Variants in ADAMTS18 observed in about 807,000 individuals in gnomAD.
ADAMTS18 encodes A disintegrin and metalloproteinase with thrombospondin motifs 18.
Under a neutral mutation model 165.9 loss-of-function variants are expected in ADAMTS18, and 157 were observed. That is an observed-to-expected ratio of 0.95 (90% CI 0.83 to 1.08). The LOEUF (loss-of-function observed/expected upper bound fraction) is 1.08. ADAMTS18 is among the 50% of genes least tolerant of loss of function. The pLI is 0.00. For synonymous variants in ADAMTS18, 782 were observed against 578.2 expected (o/e 1.35, Z -5.06); for missense variants, 2,040 against 1,534.0 (o/e 1.33, Z -5.51).
chr16:77,291,123 A>T (rs2055353778), intron 21 of ADAMTS18, 143 bp downstream of exon 21: 1 of 896,930 alleles, frequency 1.1e-6, no homozygotes, highest in Non-Finnish European at 1.8e-6. Flanking sequence ...CCAAAGAACA[A>T]AACCCATTCT....
chr16:77,290,543 C>CGG (rs2055341864), intron 21 of ADAMTS18: 1 of 152,546 alleles, frequency 6.6e-6, no homozygotes, highest in Non-Finnish European at 1.5e-5. Flanking sequence ...CAGATCCTCC[C>CGG]AGATAGATAA....
In ADAMTS18 at chr16:77,314,753, C is replaced by CATATATATATAT. The variant is rs36191323; in HGVS notation, c.2532+5084_2532+5095dup. ...GTTTGCTAAATATGGTCTCAGGTTT[C>CATATATATATAT]ATATATATATATATATATATATATA... On this transcript the variant is annotated intron_variant, in intron 16 of 22. Coordinates refer to ENST00000282849, the MANE Select transcript of ADAMTS18 (RefSeq NM_199355.4). Among the ~76,000 whole-genome samples the CATATATATATAT allele has an allele frequency of 2.0e-3, 73 of 36,894 alleles. 4 individuals are homozygous for CATATATATATAT. The East Asian group carries it at 0.022, about 11-fold the overall frequency. 24.2% of individuals were successfully genotyped at this position (36,894 alleles called of 152,430 possible).
At chr16:77,295,206 A>G (rs1597087782) in intron 18 of ADAMTS18, 79 bp from the exon 19 acceptor site, 4 of 1,448,488 alleles carry the variant, frequency 2.8e-6, no homozygotes, top group Non-Finnish European at 3.8e-6. Flanking sequence ...TGAAAGGTAA[A>G]CCACCTATGG....
intron 3 of ADAMTS18, among the ~76,000 whole-genome samples, chr16:77,389,553 G>A (rs1325804295): frequency 6.6e-6 from 1 of 152,184 alleles, no homozygotes; most frequent in African/African-American, 2.4e-5. Context: ...AGGGCTGAAT[G>A]AAGCCCTCAG....
chr16:77,322,537 G>C, intron 13 of ADAMTS18, 71 bp from the exon 14 acceptor site: 1 of 1,558,626 alleles, frequency 6.4e-7, no homozygotes, highest in Non-Finnish European at 8.8e-7. Context: ...ATTGTCAAAA[G>C]AATGAATTAA....
At chr16:77,376,412 A>C (rs1195322415) in intron 3 of ADAMTS18, among the ~76,000 whole-genome samples, 2 of 152,096 alleles carry the variant, frequency 1.3e-5, no homozygotes, top group African/African-American at 2.4e-5. Context: ...ACAAAGCCAA[A>C]CCATATCAGG....
intron 3 of ADAMTS18, among the ~76,000 whole-genome samples, chr16:77,374,295 A>G (rs1484132235): frequency 6.6e-6 from 1 of 152,084 alleles, no homozygotes; most frequent in Non-Finnish European, 1.5e-5. Flanking sequence ...GCATGCCAAT[A>G]TCAGAGAAGG....
chr16:77,323,263 C>T (rs556873095), intron 13 of ADAMTS18, among the ~76,000 whole-genome samples: 233 of 152,220 alleles, frequency 1.5e-3, no homozygotes, highest in African/African-American at 5.4e-3. Flanking sequence ...TGATATTGAG[C>T]GATATCCCTA....
chr16:77,379,735 C>T (rs2057005226), intron 3 of ADAMTS18, among the ~76,000 whole-genome samples: 1 of 152,128 alleles, frequency 6.6e-6, no homozygotes, highest in Non-Finnish European at 1.5e-5. Flanking sequence ...AAGTAATCCA[C>T]CCACCTCGGC....
chr16:77,382,722 T>C (rs550802005), intron 3 of ADAMTS18, among the ~76,000 whole-genome samples: 32 of 152,322 alleles, frequency 2.1e-4, no homozygotes, highest in African/African-American at 7.0e-4. Flanking sequence ...ACAAAGGCTG[T>C]TGGTGAACTG....
chr16:77,326,146 T>C, intron 12 of ADAMTS18, 108 bp from the exon 13 acceptor site: 4 of 1,054,554 alleles, frequency 3.8e-6, no homozygotes, highest in East Asian at 2.6e-5. Context: ...CCACAGTGTA[T>C]GCAAAGGCAT....
At chr16:77,315,646 G>A (rs1056778341) in intron 16 of ADAMTS18, among the ~76,000 whole-genome samples, 1 of 152,152 alleles carries the variant, frequency 6.6e-6, no homozygotes, top group Non-Finnish European at 1.5e-5. Context: ...CCTCTTTATT[G>A]GTGGTGTCAA....
chr16:77,332,377 A>C (rs1427653624), intron 12 of ADAMTS18, among the ~76,000 whole-genome samples: 1 of 152,078 alleles, frequency 6.6e-6, no homozygotes, highest in Non-Finnish European at 1.5e-5. Context: ...CCTCCTGGTG[A>C]GCTTGGGATG....
chr16:77,375,563 C>A (rs980866293), intron 3 of ADAMTS18, among the ~76,000 whole-genome samples: 1 of 152,166 alleles, frequency 6.6e-6, no homozygotes, highest in Non-Finnish European at 1.5e-5. Flanking sequence ...CATGATGGAA[C>A]TGAGAGACTG....
chr16:77,300,030 T>G, intron 17 of ADAMTS18: 2 of 491,418 alleles, frequency 4.1e-6, no homozygotes, highest in East Asian at 3.6e-5. Flanking sequence ...AAGTTTTAGA[T>G]GTGTAACTTT....
intron 3 of ADAMTS18, among the ~76,000 whole-genome samples, chr16:77,429,863 C>G (rs776814387): frequency 3.3e-5 from 5 of 152,140 alleles, no homozygotes; most frequent in Non-Finnish European, 7.3e-5. Context: ...ATCCCCACTG[C>G]CCTGTGATGT....
At chr16:77,314,753 C>CACATATATATATATATATATATATAT (rs2055852098) in intron 16 of ADAMTS18, among the ~76,000 whole-genome samples, 1 of 36,902 alleles carries the variant, frequency 2.7e-5, no homozygotes, top group Non-Finnish European at 5.4e-5. Flanking sequence ...TCTCAGGTTT[C>CACATATATATATATATATATATATAT]ATATATATAT....
intron 3 of ADAMTS18, among the ~76,000 whole-genome samples, chr16:77,426,390 G>A (rs2057673540): frequency 6.6e-6 from 1 of 152,112 alleles, no homozygotes; most frequent in African/African-American, 2.4e-5. Flanking sequence ...GAAACTATAG[G>A]TATAAACAGA....
At chr16:77,416,130 G>A (rs2057527175) in intron 3 of ADAMTS18, among the ~76,000 whole-genome samples, 1 of 152,128 alleles carries the variant, frequency 6.6e-6, no homozygotes, top group East Asian at 1.9e-4. Context: ...TGTCAGGGAA[G>A]ACCATTCTGG....
Sources: gnomAD v4.1 joint callset for allele counts (sites outside exome capture counted in the v4.1 genomes callset) on GRCh38, gnomAD v4.1.1 for gene constraint, MANE v1.5 for transcripts, NCBI Gene and HGNC (gene_info 2026-07-23, HGNC 2026-07-21) for gene names.